The following ASCC1 variants were observed in gnomAD, a reference collection of about 807,000 sequenced individuals.
ASCC1 encodes the protein ASC-1 complex subunit P50.
ASCC1 carries 35 observed loss-of-function variants against 46.6 expected under a neutral mutation model. The ratio of observed to expected loss-of-function variants is 0.75; its 90% CI spans 0.57 to 0.99. ASCC1 has a LOEUF of 0.99. Ranked by LOEUF, ASCC1 falls within the 50% of genes least tolerant of loss-of-function variation. ASCC1 has a pLI of 0.00. For synonymous variants in ASCC1, 143 were observed against 146.6 expected, an observed-to-expected ratio of 0.98 and a Z score of 0.18; for missense variants, 376 against 428.7, an observed-to-expected ratio of 0.88 and a Z score of 1.09.
chr10:72,211,240 T>C (rs765236322), intron 2 of ASCC1, among the ~76,000 whole-genome samples: 15 of 152,218 alleles, frequency 9.9e-5, no homozygotes, highest in Non-Finnish European at 1.6e-4. Flanking sequence ...GTTATAATTG[T>C]TCTATTTTGT....
At chr10:72,110,002 G>C (rs757615371) in intron 9 of ASCC1, among the ~76,000 whole-genome samples, 3 of 152,204 alleles carry the variant, frequency 2.0e-5, no homozygotes, top group Non-Finnish European at 4.4e-5. Context: ...CACAGGGCAT[G>C]GGTATTACTG....
At chr10:72,131,205 G>A (rs1234735509) in intron 8 of ASCC1, among the ~76,000 whole-genome samples, 1 of 152,112 alleles carries the variant, frequency 6.6e-6, no homozygotes, top group Non-Finnish European at 1.5e-5. Flanking sequence ...TGGATCACAA[G>A]GTCAGGAGTT....
At chr10:72,213,420 G>T in intron 1 of ASCC1, 89 bp from the exon 2 acceptor site, 1 of 729,084 alleles carries the variant, frequency 1.4e-6, no homozygotes, top group Non-Finnish European at 2.4e-6. Context: ...GTCTGAATTG[G>T]GCATCAGTTC....
chr10:72,125,194 G>A (rs972377598), intron 9 of ASCC1, among the ~76,000 whole-genome samples: 1 of 152,146 alleles, frequency 6.6e-6, no homozygotes, highest in African/African-American at 2.4e-5. Flanking sequence ...TTACAGCAAT[G>A]AGCAATGACT....
intron 9 of ASCC1, among the ~76,000 whole-genome samples, chr10:72,110,299 T>A (rs934094486): frequency 6.6e-6 from 1 of 152,190 alleles, no homozygotes; most frequent in African/African-American, 2.4e-5. Flanking sequence ...CAGAAATGAA[T>A]CCTTAGAGGG....
intron 5 of ASCC1, among the ~76,000 whole-genome samples, chr10:72,186,066 A>C (rs1424437012): frequency 6.6e-6 from 1 of 152,124 alleles, no homozygotes; most frequent in East Asian, 1.9e-4. Flanking sequence ...ACTTCACAGC[A>C]ATTAAAAATG....
At chr10:72,156,331 T>C (rs1848954509) in intron 6 of ASCC1, among the ~76,000 whole-genome samples, 1 of 152,236 alleles carries the variant, frequency 6.6e-6, no homozygotes, top group Non-Finnish European at 1.5e-5. Context: ...CTTGCAATCC[T>C]GCAGAACTGT....
At chr10:72,161,439 C>T (rs1275665490) in intron 6 of ASCC1, 99 bp downstream of exon 6, 6 of 1,493,678 alleles carry the variant, frequency 4.0e-6, no homozygotes, top group Non-Finnish European at 4.7e-6. Context: ...ATGAGTCCTT[C>T]CCATGTTATA....
chr10:72,202,460 T>G (rs1259477385), intron 4 of ASCC1, among the ~76,000 whole-genome samples: 1 of 144,808 alleles, frequency 6.9e-6, no homozygotes, highest in East Asian at 2.0e-4. Flanking sequence ...ACAGCAAGAC[T>G]CTGTCTCAAA....
chr10:72,158,045 A>G (rs1237160109), intron 6 of ASCC1, among the ~76,000 whole-genome samples: 1 of 152,216 alleles, frequency 6.6e-6, no homozygotes, highest in East Asian at 1.9e-4. Context: ...TAGATGGGGT[A>G]CTAAGAAGAA....
intron 5 of ASCC1, among the ~76,000 whole-genome samples, chr10:72,191,224 ATT>A (rs1216894388): frequency 3.7e-5 from 5 of 134,262 alleles, no homozygotes; most frequent in Admixed American, 1.5e-4. Flanking sequence ...TGCCCAGCTA[ATT>A]TTTTTTTTTT....
At chr10:72,185,574 A>C (rs940140025) in intron 5 of ASCC1, among the ~76,000 whole-genome samples, 4 of 152,222 alleles carry the variant, frequency 2.6e-5, no homozygotes, top group African/African-American at 7.2e-5. Flanking sequence ...ATATAATTCC[A>C]TTCATTTAAA....
intron 8 of ASCC1, among the ~76,000 whole-genome samples, chr10:72,132,442 A>C (rs1345054643): frequency 1.3e-5 from 2 of 152,220 alleles, no homozygotes; most frequent in Admixed American, 6.5e-5. Context: ...AAAGGCTCAG[A>C]GTCCATGAAG....
At chr10:72,180,562 G>A (rs1029890670) in intron 5 of ASCC1, among the ~76,000 whole-genome samples, 11 of 152,252 alleles carry the variant, frequency 7.2e-5, no homozygotes, top group African/African-American at 2.2e-4. Context: ...GGAGGCGGAG[G>A]TTGCAGTGAG....
intron 9 of ASCC1, among the ~76,000 whole-genome samples, chr10:72,105,425 T>C (rs1842239119): frequency 1.3e-5 from 2 of 152,078 alleles, no homozygotes; most frequent in Admixed American, 1.3e-4. Flanking sequence ...CCACAAGGGG[T>C]TGAGCACAGA....
intron 7 of ASCC1, among the ~76,000 whole-genome samples, chr10:72,137,037 G>A (rs1475428913): frequency 3.3e-5 from 5 of 151,742 alleles, no homozygotes; most frequent in East Asian, 1.9e-4. Flanking sequence ...AGAACCCACC[G>A]GAAGGAACCA....
intron 3 of ASCC1, among the ~76,000 whole-genome samples, chr10:72,207,041 C>A (rs1207444914): frequency 1.3e-5 from 2 of 152,104 alleles, no homozygotes; most frequent in East Asian, 3.8e-4. Flanking sequence ...CATATGCTAT[C>A]CTCATTAAAC....
chr10:72,196,891 G>A lies in ASCC1; in HGVS notation c.409C>T (p.Leu137Phe). 1.2e-6 allele frequency: 2 copies of A among 1,613,620 alleles called. No homozygotes were observed. Among genetic ancestry groups the A allele is most frequent in the Non-Finnish European group, 1.7e-6 (2 of 1,180,008 alleles). ...TCAACTTCATTGAGGAAAAAGGCAAGGAAGTGAGTGAAGGGCTGCTTTCTT... is the reference window on the plus strand; with the variant it reads ...TCAACTTCATTGAGGAAAAAGGCAAAGAAGTGAGTGAAGGGCTGCTTTCTT... ...FRRKQPFTHF[L>F]AFFLNEVEVQ... The change falls in exon 5 of 10, where the codon CTT becomes TTT. Residue 137 changes from leucine to phenylalanine, a missense_variant. Coordinates refer to ENST00000672957, the MANE Select transcript of ASCC1 (RefSeq NM_001198800.3).
intron 9 of ASCC1, among the ~76,000 whole-genome samples, chr10:72,127,219 G>A (rs1844967920): frequency 6.6e-6 from 1 of 152,170 alleles, no homozygotes; most frequent in Non-Finnish European, 1.5e-5. Context: ...CAGAGCAAGT[G>A]AAAAGAAGAA....
Sources: gnomAD v4.1 joint callset for allele counts (sites outside exome capture counted in the v4.1 genomes callset) on GRCh38, gnomAD v4.1.1 for gene constraint, MANE v1.5 for transcripts, NCBI Gene and HGNC (gene_info 2026-07-23, HGNC 2026-07-21) for gene names.